The following TMEM165 variants were observed in gnomAD, a reference collection of about 807,000 sequenced individuals.
TMEM165 encodes the protein putative divalent cation/proton antiporter TMEM165.
TMEM165 carries 19 observed loss-of-function variants against 30.0 expected under a neutral mutation model. The observed-to-expected ratio is 0.63, with a 90% CI of 0.44 to 0.93. The LOEUF (loss-of-function observed/expected upper bound fraction) is 0.93, where lower values mean the gene tolerates loss of function less well. TMEM165 is among the 40% of genes least tolerant of loss of function. The pLI is 0.00. For synonymous variants in TMEM165, 168 were observed against 162.9 expected (o/e 1.03, Z -0.24); for missense variants, 340 against 417.0 (o/e 0.82, Z 1.61).
chr4:55,447,604 C>T (rs140528315), intron 3 of TMEM165, among the ~76,000 whole-genome samples: 198 of 152,228 alleles, frequency 1.3e-3, no homozygotes, highest in Non-Finnish European at 1.7e-3. Flanking sequence ...TGAATGCTTA[C>T]TAACATTTTT....
chr4:55,451,876 A>G (rs1009468863), intron 3 of TMEM165, among the ~76,000 whole-genome samples: 4 of 152,192 alleles, frequency 2.6e-5, no homozygotes, highest in African/African-American at 4.8e-5. Context: ...TGCATTATTC[A>G]GTGCTGTATT....
intron 3 of TMEM165, among the ~76,000 whole-genome samples, chr4:55,446,101 C>CTTCT (rs1553890777): frequency 4.7e-5 from 5 of 107,354 alleles, no homozygotes; most frequent in East Asian, 3.5e-4. Context: ...AATTTAACTT[C>CTTCT]TTTTTTTTTT....
At chr4:55,449,397 T>C in intron 3 of TMEM165, 1 of 1,612,426 alleles carries the variant, frequency 6.2e-7, no homozygotes. Context: ...AGAGCTTACC[T>C]GACTACTAAA....
intron 3 of TMEM165, among the ~76,000 whole-genome samples, chr4:55,439,380 G>A (rs1425481983): frequency 6.6e-6 from 1 of 152,102 alleles, no homozygotes; most frequent in Admixed American, 6.5e-5. Context: ...ACCAGTGTTG[G>A]CAAGCAAGTA....
Position 55,405,862 on chromosome 4 carries a change from C to A in TMEM165, c.208-5752C>A, listed in dbSNP as rs148526777. On this transcript the variant is annotated intron_variant, in intron 1 of 5. Transcript: ENST00000381334. ...CTTCCCTCTTGCCTCTGAGCTTGTC[C>A]ACAAACATAAAGAATTTCAGGCCCA... Among the ~76,000 whole-genome samples, 141 of 152,324 alleles carry A rather than the reference C, an allele frequency of 9.3e-4. 1 individual carries two copies. Among genetic ancestry groups the A allele is most frequent in the Non-Finnish European group, 1.5e-3 (103 of 68,024 alleles).
At position 55,404,197 on chromosome 4, in the gene TMEM165, T is replaced by C. The variant is rs181121222; in HGVS notation, c.208-7417T>C. On this transcript the variant is annotated intron_variant, in intron 1 of 5. Coordinates refer to ENST00000381334, the MANE Select transcript of TMEM165 (RefSeq NM_018475.5). ...TGGCTATTTTTTTTTTTTGTACTTT[T>C]AGTAGAGATGGGGTTTCATCATGTT... Among the ~76,000 whole-genome samples the C allele has an allele frequency of 4.1e-3, 625 of 150,938 alleles. 5 individuals are homozygous for C. Among genetic ancestry groups the C allele is most frequent in the Non-Finnish European group, 5.2e-3 (352 of 67,604 alleles).
chr4:55,430,969 C>T (rs1722461105), downstream of TMEM165: 1 of 152,180 alleles, frequency 6.6e-6, no homozygotes, highest in African/African-American at 2.4e-5. Flanking sequence ...AAACCAACTA[C>T]GGTTCACTGG....
chr4:55,442,657 A>G (rs1723467408), intron 3 of TMEM165: 1 of 1,576,814 alleles, frequency 6.3e-7, no homozygotes, highest in Non-Finnish European at 8.7e-7. Context: ...AAGAGATTTT[A>G]TAGACAGATT....
chr4:55,452,361 A>T (rs945596289), exon 4 of TMEM165: 5 of 152,334 alleles, frequency 3.3e-5, no homozygotes, highest in Non-Finnish European at 5.9e-5. Flanking sequence ...GCCCATGAGG[A>T]ACTGAAGTGT....
chr4:55,404,573 A>G (rs1362728313), intron 1 of TMEM165, among the ~76,000 whole-genome samples: 1 of 151,524 alleles, frequency 6.6e-6, no homozygotes, highest in African/African-American at 2.4e-5. Context: ...CTACAGGTGC[A>G]TGCCACCACA....
At chr4:55,428,626 G>GAGCTAC (rs1197342741), downstream of TMEM165, 1 of 152,092 alleles carries the variant, frequency 6.6e-6, no homozygotes, top group African/African-American at 2.4e-5. Flanking sequence ...TAAAAATGAT[G>GAGCTAC]AGCTACATCT....
At chr4:55,398,027 G>A (rs1578225229) in intron 1 of TMEM165, among the ~76,000 whole-genome samples, 2 of 152,144 alleles carry the variant, frequency 1.3e-5, no homozygotes, top group African/African-American at 4.8e-5. Flanking sequence ...TCTCACACCG[G>A]TGCATTGTTT....
At chr4:55,437,555 T>C (rs1307196225) in intron 3 of TMEM165, among the ~76,000 whole-genome samples, 1 of 152,250 alleles carries the variant, frequency 6.6e-6, no homozygotes, top group East Asian at 1.9e-4. Context: ...CAAGTGTCTA[T>C]TACATTTGTC....
intron 1 of TMEM165, among the ~76,000 whole-genome samples, chr4:55,400,187 AATAT>A (rs1351982098): frequency 7.6e-5 from 8 of 104,644 alleles, no homozygotes; most frequent in Non-Finnish European, 1.2e-4. Flanking sequence ...TATAAAAAAT[AATAT>A]ATAAATATAT....
chr4:55,443,770 T>A lies in TMEM165; in HGVS notation c.409-8469T>A, dbSNP rs141058115. 41 of 1,614,022 alleles carry A rather than the reference T, an allele frequency of 2.5e-5. 1 individual carries two copies. In the South Asian group the frequency reaches 3.8e-4, roughly 15 times the overall value. ...TGTCCAGTATTCATTCCACTTTGAA[T>A]CTGGTTAGTAGGAACAACTTGGCCT... On this transcript the variant is annotated intron_variant, in intron 3 of 3. Coordinates refer to the TMEM165 transcript ENST00000608091.
chr4:55,407,804 G>T (rs1404987638), intron 1 of TMEM165, among the ~76,000 whole-genome samples: 1 of 152,174 alleles, frequency 6.6e-6, no homozygotes. Flanking sequence ...ATATTTTGTG[G>T]CACTACAAAA....
chr4:55,411,516 T>C, intron 1 of TMEM165, 98 bp from the exon 2 acceptor site: 1 of 1,106,032 alleles, frequency 9.0e-7, no homozygotes, highest in Non-Finnish European at 1.3e-6. Flanking sequence ...GTAATGACCA[T>C]GACAAGAAAA....
intron 1 of TMEM165, among the ~76,000 whole-genome samples, chr4:55,404,044 CCT>C (rs1721166892): frequency 9.4e-6 from 1 of 106,808 alleles, no homozygotes. Context: ...TTCTTTCTTT[CCT>C]TTTTTTTTTT....
chr4:55,399,134 C>T (rs531028896), intron 1 of TMEM165: 2 of 152,058 alleles, frequency 1.3e-5, no homozygotes, highest in African/African-American at 2.4e-5. Flanking sequence ...TGGAACTCAA[C>T]GAGTAAATAA....
Sources: gnomAD v4.1 joint callset for allele counts (sites outside exome capture counted in the v4.1 genomes callset) on GRCh38, gnomAD v4.1.1 for gene constraint, MANE v1.5 for transcripts, NCBI Gene and HGNC (gene_info 2026-07-23, HGNC 2026-07-21) for gene names.